NAALADL2: variants seen among roughly 807,000 people sequenced by gnomAD.
NAALADL2 encodes the protein N-acetylated alpha-linked acidic dipeptidase like 2, also known as inactive N-acetylated-alpha-linked acidic dipeptidase-like protein 2.
A neutral mutation model predicts 87.2 loss-of-function variants in NAALADL2; 76 were observed. That is an observed-to-expected ratio of 0.87 (90% CI 0.72 to 1.05). NAALADL2 has a LOEUF of 1.05. Ranked by LOEUF, NAALADL2 falls within the 50% of genes least tolerant of loss-of-function variation. The pLI, the probability that NAALADL2 is intolerant of heterozygous loss-of-function variation, is 0.00. For synonymous variants in NAALADL2, 354 were observed against 331.0 expected (o/e 1.07, Z -0.75); for missense variants, 1,089 against 945.8 (o/e 1.15, Z -1.99).
chr3:174,457,676 T>G (rs1715931867), intron 1 of NAALADL2, among the ~76,000 whole-genome samples: 1 of 151,970 alleles, frequency 6.6e-6, no homozygotes, highest in Admixed American at 6.6e-5. Flanking sequence ...TACAAAAAAT[T>G]TACTGGGTGT....
intron 2 of NAALADL2, among the ~76,000 whole-genome samples, chr3:175,107,979 T>C (rs1723513245): frequency 6.6e-6 from 1 of 151,922 alleles, no homozygotes. Flanking sequence ...GTATTGAAGT[T>C]CTCTTTCCTT....
At chr3:175,109,199 G>T (rs1723762715) in intron 2 of NAALADL2, among the ~76,000 whole-genome samples, 1 of 151,732 alleles carries the variant, frequency 6.6e-6, no homozygotes, top group Non-Finnish European at 1.5e-5. Flanking sequence ...CTGTTATGGG[G>T]GAAAGTAGAC....
intron 1 of NAALADL2, among the ~76,000 whole-genome samples, chr3:175,046,765 G>C (rs1754724109): frequency 6.6e-6 from 1 of 152,136 alleles, no homozygotes; most frequent in Non-Finnish European, 1.5e-5. Flanking sequence ...ATTTTAATGT[G>C]CTGTTTTCAT....
At chr3:175,679,874 A>T (rs2149877650) in intron 11 of NAALADL2, among the ~76,000 whole-genome samples, 1 of 152,310 alleles carries the variant, frequency 6.6e-6, no homozygotes, top group Admixed American at 6.5e-5. Flanking sequence ...AAGCAGAAAT[A>T]GAATTTAGAA....
At chr3:174,980,551 T>A (rs1744974642) in intron 1 of NAALADL2, among the ~76,000 whole-genome samples, 1 of 152,158 alleles carries the variant, frequency 6.6e-6, no homozygotes, top group African/African-American at 2.4e-5. Flanking sequence ...CATTCAGGAA[T>A]CATGAAATAT....
intron 1 of NAALADL2, among the ~76,000 whole-genome samples, chr3:175,018,008 C>T (rs997840448): frequency 6.6e-6 from 1 of 151,978 alleles, no homozygotes; most frequent in Non-Finnish European, 1.5e-5. Context: ...CTTAGGGTCG[C>T]ATAAAACCTG....
intron 3 of NAALADL2, among the ~76,000 whole-genome samples, chr3:174,740,785 T>G (rs925609638): frequency 1.3e-5 from 2 of 151,802 alleles, no homozygotes; most frequent in Non-Finnish European, 3.0e-5. Context: ...AAATCACATA[T>G]TAGTGAGTGT....
At chr3:174,692,430 AAAAT>A (rs1383247647) in intron 2 of NAALADL2, among the ~76,000 whole-genome samples, 3 of 152,334 alleles carry the variant, frequency 2.0e-5, no homozygotes, top group East Asian at 3.9e-4. Context: ...AGATTTTTTA[AAAAT>A]AAATATTTCC....
upstream of NAALADL2, among the ~76,000 whole-genome samples, chr3:174,858,529 A>G (rs1726103943): frequency 6.6e-6 from 1 of 152,002 alleles, no homozygotes. Context: ...ACAAATGAGG[A>G]CCTTGAGGCA....
chr3:174,563,077 T>G (rs1489726066), intron 2 of NAALADL2, among the ~76,000 whole-genome samples: 2 of 152,004 alleles, frequency 1.3e-5, no homozygotes, highest in Non-Finnish European at 2.9e-5. Context: ...AATATATTGT[T>G]TTGGCTGAAA....
At chr3:175,607,920 C>CACGCACACACAG (rs1724007388) in intron 10 of NAALADL2, among the ~76,000 whole-genome samples, 1 of 151,334 alleles carries the variant, frequency 6.6e-6, no homozygotes, top group Non-Finnish European at 1.5e-5. Context: ...CACGCACACA[C>CACGCACACACAG]ACGCACACAC....
intron 10 of NAALADL2, among the ~76,000 whole-genome samples, chr3:175,577,682 A>G (rs1405664489): frequency 6.7e-6 from 1 of 148,264 alleles, no homozygotes; most frequent in East Asian, 1.9e-4. Flanking sequence ...TTTATCTCCA[A>G]AAAAAGAATT....
chr3:175,321,979 A>T (rs979302604), intron 4 of NAALADL2, among the ~76,000 whole-genome samples: 2 of 151,910 alleles, frequency 1.3e-5, no homozygotes, highest in African/African-American at 4.8e-5. Flanking sequence ...CAGAACTGGA[A>T]AAAACTACTT....
At chr3:174,960,281 G>C (rs1741785389) in intron 1 of NAALADL2, among the ~76,000 whole-genome samples, 1 of 151,992 alleles carries the variant, frequency 6.6e-6, no homozygotes, top group Non-Finnish European at 1.5e-5. Flanking sequence ...CTCTATTATT[G>C]GGTATGTCAG....
chr3:174,658,160 G>A (rs191583597), intron 2 of NAALADL2, among the ~76,000 whole-genome samples: 9 of 152,098 alleles, frequency 5.9e-5, no homozygotes, highest in South Asian at 2.1e-4. Context: ...TGGATTGTAC[G>A]GTAAGAGCAT....
chr3:174,506,015 CTATG>C (rs2108378779), intron 1 of NAALADL2, among the ~76,000 whole-genome samples: 1 of 152,020 alleles, frequency 6.6e-6, no homozygotes, highest in East Asian at 1.9e-4. Context: ...ATGTGTGTGT[CTATG>C]TGTGTGCACG....
intron 1 of NAALADL2, among the ~76,000 whole-genome samples, chr3:174,923,910 C>A (rs1231578935): frequency 6.6e-6 from 1 of 152,022 alleles, no homozygotes. Context: ...TGTCCCCTGG[C>A]AGAGTCATTA....
intron 3 of NAALADL2, among the ~76,000 whole-genome samples, chr3:174,783,687 A>G (rs959736663): frequency 1.3e-5 from 2 of 152,078 alleles, no homozygotes; most frequent in African/African-American, 2.4e-5. Context: ...TTAAGCGGCC[A>G]TATTTGTAGG....
At chr3:175,629,134 A>C (rs1384369976) in intron 11 of NAALADL2, among the ~76,000 whole-genome samples, 1 of 148,574 alleles carries the variant, frequency 6.7e-6, no homozygotes, top group East Asian at 1.9e-4. Context: ...TATATATATA[A>C]TATATATGGA....
Sources: allele counts gnomAD v4.1 joint callset (sites outside exome capture counted in the v4.1 genomes callset), GRCh38; gene constraint gnomAD v4.1.1; transcripts MANE v1.5; gene names NCBI Gene and HGNC (gene_info 2026-07-23, HGNC 2026-07-21).